Variants in RGPD4 observed in about 807,000 individuals in gnomAD.
RGPD4 encodes the protein RANBP2 like and GRIP domain containing 4, also known as ranBP2-like and GRIP domain-containing protein 4.
RGPD4 carries 84 observed loss-of-function variants against 141.1 expected under a neutral mutation model. The observed-to-expected ratio is 0.60, with a 90% CI of 0.50 to 0.71. The LOEUF (loss-of-function observed/expected upper bound fraction) is 0.71. Ranked by LOEUF, RGPD4 falls within the 30% of genes least tolerant of loss-of-function variation. The pLI is 0.00. For missense variants in RGPD4, 918 were observed against 1,622.4 expected (o/e 0.57, Z 7.46); for synonymous variants, 298 against 566.8 (o/e 0.53, Z 6.74).
At chr2:107,846,178 A>G (rs7581793) in intron 6 of RGPD4, among the ~76,000 whole-genome samples, 94 of 140,002 alleles carry the variant, frequency 6.7e-4, no homozygotes, top group Middle Eastern at 4.1e-3. Flanking sequence ...CGCCTGCCTC[A>G]GCCTCCCAAA....
In RGPD4 at chr2:107,880,040, C is replaced by A; in HGVS notation, c.4997C>A (p.Ala1666Glu). Reference protein sequence around the residue: ...VQKLSSTTKSADHLNGLLREA... With the variant: ...VQKLSSTTKSEDHLNGLLREA... ...AAGCTCAGTTCCACCACAAAAAGTG[C>A]AGATCACTTAAACGGCCTGCTTCGG... is the stretch of plus-strand genomic sequence containing the variant. The change falls in exon 21 of 23, where the codon GCA becomes GAA. Residue 1666 changes from alanine to glutamate, a missense_variant. Ala to Glu is a moderately radical substitution (Grantham distance 107). Coordinates refer to ENST00000408999, the MANE Select transcript of RGPD4 (RefSeq NM_182588.3). The A allele has an allele frequency of 6.2e-7, 1 of 1,611,332 alleles. No homozygotes were observed. Among genetic ancestry groups the A allele is most frequent in the Non-Finnish European group, 8.5e-7 (1 of 1,179,816 alleles).
At position 107,827,034 on chromosome 2, in the gene RGPD4, C is replaced by T. The variant is rs771446417; in HGVS notation, c.21C>T (p.Tyr7=). Residue 7 remains tyrosine (Y), a synonymous_variant, in exon 1 of 23, where the codon TAC becomes TAT. Transcript: ENST00000408999. ...GCGCGATGAGTTGCAGCAAGGCCTA[C>T]GGGGAGCGGTACGTCGCCTCCGTGC... MSCSKA[Y]GERYVASVQG... 26 of 1,599,590 alleles carry T rather than the reference C, an allele frequency of 1.6e-5. No homozygotes were observed. Among genetic ancestry groups the T allele is most frequent in the East Asian group, 1.4e-4 (6 of 44,414 alleles).
At position 107,849,670 on chromosome 2, in the gene RGPD4, C is replaced by CTT. The variant is rs551638640; in HGVS notation, c.978+1152_978+1153dup. ...ACAGGCGTGAGCCACCATGCCCAGCCTTTTTTTTTTTTTTTTTTTAATGAG... is the reference window on the plus strand; with the variant it reads ...ACAGGCGTGAGCCACCATGCCCAGCCTTTTTTTTTTTTTTTTTTTTTAATGAG... On this transcript the variant is annotated intron_variant, in intron 7 of 22. Transcript: ENST00000408999. 2.5e-3 allele frequency among the ~76,000 whole-genome samples: 150 copies of CTT among 60,788 alleles called. 1 individual carries two copies. Among genetic ancestry groups the CTT allele is most frequent in the African/African-American group, 5.5e-3 (84 of 15,342 alleles). The allele number at this position is 60,788 out of a possible 152,430, so 39.9% of individuals were successfully genotyped here.
At position 107,872,069 on chromosome 2, in the gene RGPD4, A is replaced by T. The variant is rs1218402192; in HGVS notation, c.4065A>T (p.Lys1355Asn). Reference sequence around the variant, plus strand: ...TATCCAGTGGTGAGGAAAATGAAAAAGTTGTTTTTAGTCACAGGGCAGAAC... The same window carrying T: ...TATCCAGTGGTGAGGAAAATGAAAATGTTGTTTTTAGTCACAGGGCAGAAC... ...VEVSSGEENE[K>N]VVFSHRAELY... is the part of the protein sequence containing the mutation. Residue 1355 changes from lysine to asparagine, a missense_variant, in exon 20 of 23, where the codon AAA becomes AAT. Physicochemically the swap from Lys to Asn is moderately conservative, Grantham distance 94 (BLOSUM62 0). Coordinates refer to ENST00000408999, the MANE Select transcript of RGPD4 (RefSeq NM_182588.3). 5.0e-6 allele frequency: 8 copies of T among 1,611,648 alleles called. 1 individual carries two copies. The African/African-American group carries it at 6.7e-5, about 13-fold the overall frequency.
intron 1 of RGPD4, among the ~76,000 whole-genome samples, chr2:107,827,759 C>T (rs1488051820): frequency 2.7e-5 from 1 of 37,396 alleles, no homozygotes; most frequent in Admixed American, 2.0e-4. Context: ...TCCTGACGGG[C>T]GCTGCTCCCT....
chr2:107,851,861 CTT>C (rs1682123527), intron 7 of RGPD4, among the ~76,000 whole-genome samples: 1 of 136,278 alleles, frequency 7.3e-6, no homozygotes, highest in South Asian at 2.5e-4. Context: ...TTTTCAGACT[CTT>C]AATCAGAGGA....
At chr2:107,836,998 A>C (rs1303191453) in intron 2 of RGPD4, among the ~76,000 whole-genome samples, 71 of 134,402 alleles carry the variant, frequency 5.3e-4, no homozygotes, top group African/African-American at 2.2e-3. Flanking sequence ...CTGATACCTT[A>C]ATCAGATGGA....
At chr2:107,828,592 G>C (rs1308071335) in intron 1 of RGPD4, among the ~76,000 whole-genome samples, 1 of 120,188 alleles carries the variant, frequency 8.3e-6, no homozygotes, top group African/African-American at 3.4e-5. Context: ...CAGCGGCCTC[G>C]ACCTGGCCGG....
intron 17 of RGPD4, among the ~76,000 whole-genome samples, chr2:107,864,104 G>GTA (rs1558809089): frequency 6.9e-6 from 1 of 145,854 alleles, no homozygotes; most frequent in Non-Finnish European, 1.5e-5. Context: ...AAATAGTTAT[G>GTA]TATATATATC....
intron 1 of RGPD4, among the ~76,000 whole-genome samples, chr2:107,828,606 G>A (rs1681331125): frequency 8.2e-6 from 1 of 121,886 alleles, no homozygotes; most frequent in Non-Finnish European, 1.7e-5. Context: ...TGGCCGGGCG[G>A]CGGCGGCCTC....
chr2:107,888,922 G>C (rs899915562), intron 22 of RGPD4, among the ~76,000 whole-genome samples: 4 of 139,180 alleles, frequency 2.9e-5, no homozygotes, highest in African/African-American at 1.2e-4. Context: ...AACCATTTCT[G>C]ATCTCCTGAC....
At chr2:107,847,931 T>C (rs1682012311) in intron 6 of RGPD4, among the ~76,000 whole-genome samples, 1 of 134,054 alleles carries the variant, frequency 7.5e-6, no homozygotes, top group Admixed American at 7.5e-5. Context: ...ATTATTTACT[T>C]ATAATTTGGA....
intron 6 of RGPD4, among the ~76,000 whole-genome samples, chr2:107,844,538 G>A (rs1194219334): frequency 1.3e-5 from 2 of 151,400 alleles, no homozygotes; most frequent in Non-Finnish European, 2.9e-5. Flanking sequence ...CCATTTGTTT[G>A]GAAGTTAATT....
At chr2:107,859,616 C>T (rs1376645993) in intron 11 of RGPD4, 62 bp downstream of exon 11, 7 of 1,611,346 alleles carry the variant, frequency 4.3e-6, no homozygotes, top group Middle Eastern at 2.2e-4. Flanking sequence ...GGGATTTAAT[C>T]CTCATGTGAA....
rs758026123 is a variant in RGPD4 at position 107,827,104 on chromosome 2, G to C, written c.72+19G>C. 1.9e-6 allele frequency: 3 copies of C among 1,582,474 alleles called. No homozygotes were observed. Among genetic ancestry groups the C allele is most frequent in the Non-Finnish European group, 2.6e-6 (3 of 1,166,198 alleles). On this transcript the variant is annotated intron_variant, in intron 1 of 22. Coordinates refer to ENST00000408999, the MANE Select transcript of RGPD4 (RefSeq NM_182588.3). ...TCGAAAGGTGAGTGGATCTCGAAGAGACCGACGGCCTCGACCTGGCCGGGC... is the reference window on the plus strand; with the variant it reads ...TCGAAAGGTGAGTGGATCTCGAAGACACCGACGGCCTCGACCTGGCCGGGC...
At chr2:107,856,147 G>A (rs1255802206) in intron 8 of RGPD4, among the ~76,000 whole-genome samples, 14 of 122,478 alleles carry the variant, frequency 1.1e-4, no homozygotes, top group African/African-American at 2.8e-4. Flanking sequence ...TCCGCCTCCC[G>A]GGTTCACACC....
intron 22 of RGPD4, among the ~76,000 whole-genome samples, chr2:107,885,661 G>C (rs1254148006): frequency 2.6e-5 from 4 of 152,226 alleles, no homozygotes; most frequent in East Asian, 1.9e-4. Flanking sequence ...TTTACTACTT[G>C]TCTCTTATCA....
intron 1 of RGPD4, among the ~76,000 whole-genome samples, chr2:107,832,640 C>T (rs1452905024): frequency 7.5e-6 from 1 of 134,110 alleles, no homozygotes; most frequent in East Asian, 2.0e-4. Context: ...TGGGATTTCA[C>T]CATACTGGTC....
At chr2:107,883,244 C>A (rs1292672553) in intron 22 of RGPD4, 4 of 438,266 alleles carry the variant, frequency 9.1e-6, no homozygotes, top group African/African-American at 8.2e-5. Context: ...CTCTTCCTTC[C>A]TCCAACCCCA....
Sources: allele counts gnomAD v4.1 joint callset (sites outside exome capture counted in the v4.1 genomes callset), GRCh38; gene constraint gnomAD v4.1.1; transcripts MANE v1.5; gene names NCBI Gene and HGNC (gene_info 2026-07-23, HGNC 2026-07-21).